NOL11: variants seen among roughly 807,000 people sequenced by gnomAD.
NOL11 encodes nucleolar protein 11.
A neutral mutation model predicts 93.0 loss-of-function variants in NOL11; 42 were observed. The ratio of observed to expected loss-of-function variants is 0.45; its 90% CI spans 0.35 to 0.58. The LOEUF (loss-of-function observed/expected upper bound fraction) is 0.58. Among genes scored for constraint, NOL11 ranks in the 20% least tolerant of loss-of-function variants. NOL11 has a pLI of 0.00. For missense variants in NOL11, 775 were observed against 841.8 expected (o/e 0.92, Z 0.98); for synonymous variants, 296 against 293.7 (o/e 1.01, Z -0.08).
In NOL11 at chr17:67,717,953, A is replaced by G; in HGVS notation, c.6A>G (p.Ala2=). The G allele has an allele frequency of 6.2e-7, 1 of 1,614,118 alleles. No homozygotes were observed. The highest frequency in any genetic ancestry group is 8.5e-7 in the Non-Finnish European group (1 of 1,179,974). The part of the protein sequence containing the change: M[A]ALEEEFTLSS... ...CGTACTTAGGTTTGCTCAAAATGGC[A>G]GCGCTGGAGGAAGAATTCACGTTGT... The change falls in exon 1 of 18, where the codon GCA becomes GCG. Residue 2 remains alanine, a synonymous_variant. Coordinates refer to ENST00000253247, the MANE Select transcript of NOL11 (RefSeq NM_015462.5).
chr17:67,719,571 A>T, intron 1 of NOL11, 103 bp from the exon 2 acceptor site: 1 of 646,452 alleles, frequency 1.5e-6, no homozygotes. Flanking sequence ...TAAATTTTTT[A>T]AATGCTGTCA....
rs760206968 is a variant in NOL11, at chr17:67,722,598, A to G, written c.480A>G (p.Val160=). ...TTTGTAGATGGACAAAGTTTTTCGT[A>G]GTATTCAGACATCCTGTTTTAATTT... ...EEVIKWTKFF[V]VFRHPVLIFI... Residue 160 remains valine (V), a synonymous_variant, in exon 5 of 18, where the codon GTA becomes GTG. Coordinates refer to ENST00000253247, the MANE Select transcript of NOL11 (RefSeq NM_015462.5). 6.4e-7 allele frequency: 1 copy of G among 1,574,630 alleles called. No individual in the cohort carries two copies. Among genetic ancestry groups the G allele is most frequent in the East Asian group, 2.3e-5 (1 of 42,746 alleles).
Position 67,722,563 on chromosome 17 carries a change from T to C in NOL11, c.462-17T>C. The C allele has an allele frequency of 6.4e-7, 1 of 1,564,614 alleles. No homozygotes were observed. The highest frequency in any genetic ancestry group is 8.6e-7 in the Non-Finnish European group (1 of 1,165,386). ...GATTTTTGCATCCTATAATTTTTCT[T>C]TTTTCTTTTTTTGTAGATGGACAAA... On this transcript the variant is annotated splice_polypyrimidine_tract_variant and intron_variant, in intron 4 of 17. Coordinates refer to ENST00000253247, the MANE Select transcript of NOL11 (RefSeq NM_015462.5).
chr17:67,728,076 T>C (rs77884667), intron 7 of NOL11, among the ~76,000 whole-genome samples: 13,229 of 152,018 alleles, frequency 0.087, 1,421 homozygotes, highest in East Asian at 0.29. Context: ...CTGGCTAACA[T>C]GGTGAAACCC....
intron 10 of NOL11, 103 bp downstream of exon 10, chr17:67,736,857 G>T: frequency 2.3e-6 from 2 of 887,514 alleles, no homozygotes; most frequent in South Asian, 1.6e-5. Flanking sequence ...TTAGAGCTTT[G>T]ACTATAATGA....
chr17:67,727,409 C>T (rs1429286022), intron 7 of NOL11, among the ~76,000 whole-genome samples: 3 of 152,190 alleles, frequency 2.0e-5, no homozygotes. Flanking sequence ...TGCCTATAAT[C>T]CCAGCACTTT....
In NOL11 at chr17:67,743,902, A is replaced by T; in HGVS notation, c.*43A>T. 9.9e-7 allele frequency: 1 copy of T among 1,008,532 alleles called. No homozygotes were observed. The highest frequency in any genetic ancestry group is 1.5e-6 in the Non-Finnish European group (1 of 672,848). The allele number at this position is 1,008,532 out of a possible 1,614,324, so 62.5% of individuals were successfully genotyped here. A position where few individuals can be genotyped will look rare whatever the true frequency, so the allele number is the denominator to read the frequency against. On this transcript the variant is annotated 3_prime_UTR_variant, in exon 18 of 18. Transcript: ENST00000253247. Reference sequence around the variant, plus strand: ...CATAGACATTTTATAAAGCTCTTTTATGTGAACTCTTGCTTCATCCAGGCA... The same window carrying T: ...CATAGACATTTTATAAAGCTCTTTTTTGTGAACTCTTGCTTCATCCAGGCA...
chr17:67,719,831 G>T, intron 2 of NOL11, 44 bp downstream of exon 2: 1 of 1,467,438 alleles, frequency 6.8e-7, no homozygotes, highest in South Asian at 1.2e-5. Flanking sequence ...TATAAATGTT[G>T]ATTATTAACT....
rs1424119473 is a variant in NOL11 at position 67,736,754 on chromosome 17, T to G, written c.1143T>G (p.Ile381Met). 6.2e-7 allele frequency: 1 copy of G among 1,604,806 alleles called. No individual in the cohort carries two copies. The highest frequency in any genetic ancestry group is 2.2e-5 in the East Asian group (1 of 44,846). ...GFQNSEQSRR[I>M]LRRRKIEVSL... ...AGAACTCAGAGCAGTCAAGAAGAAT[T>G]GTAAGTTTCGTAGTTGAAATTGAAA... Residue 381 changes from isoleucine to methionine, a missense_variant and splice_region_variant, in exon 10 of 18, where the codon ATT becomes ATG. Ile to Met is a conservative substitution (Grantham distance 10). Coordinates refer to ENST00000253247, the MANE Select transcript of NOL11 (RefSeq NM_015462.5).
In NOL11 at chr17:67,737,174, ATCAAAC is replaced by A. The variant is rs775742313; in HGVS notation, c.1218+34_1218+39del. On this transcript the variant is annotated intron_variant, in intron 11 of 17. Coordinates refer to ENST00000253247, the MANE Select transcript of NOL11 (RefSeq NM_015462.5). ...AATAAATAATATTGAAATATGAAAAATCAAACTCAAGTGTTCCAAAGAAATCGCATC... is the reference window on the plus strand; with the variant it reads ...AATAAATAATATTGAAATATGAAAAATCAAGTGTTCCAAAGAAATCGCATC... 136 of 1,375,556 alleles carry A rather than the reference ATCAAAC, an allele frequency of 9.9e-5. 4 individuals carry two copies. In the South Asian group the frequency reaches 1.6e-3, roughly 16 times the overall value. 85.2% of individuals were successfully genotyped at this position (1,375,556 alleles called of 1,614,324 possible). A position where few individuals can be genotyped will look rare whatever the true frequency, so the allele number is the denominator to read the frequency against.
At position 67,722,572 on chromosome 17, in the gene NOL11, T is replaced by G. The variant is rs1267159148; in HGVS notation, c.462-8T>G. On this transcript the variant is annotated splice_region_variant and splice_polypyrimidine_tract_variant and intron_variant, in intron 4 of 17. Coordinates refer to ENST00000253247, the MANE Select transcript of NOL11 (RefSeq NM_015462.5). Reference sequence around the variant, plus strand: ...ATCCTATAATTTTTCTTTTTTCTTTTTTTGTAGATGGACAAAGTTTTTCGT... The same window carrying G: ...ATCCTATAATTTTTCTTTTTTCTTTGTTTGTAGATGGACAAAGTTTTTCGT... The G allele has an allele frequency of 6.4e-7, 1 of 1,568,036 alleles. No individual in the cohort carries two copies. The highest frequency in any genetic ancestry group is 1.2e-5 in the South Asian group (1 of 80,930).
rs970098383 is a variant in NOL11 at position 67,724,257 on chromosome 17, GT to G, written c.664+69del. 9.6e-6 allele frequency: 9 copies of G among 934,414 alleles called. No homozygotes were observed. In the African/African-American group the frequency reaches 1.2e-4, roughly 12 times the overall value. The allele number at this position is 934,414 out of a possible 1,614,324, so 57.9% of individuals were successfully genotyped here. ...AGAGGATTGTTATAGGATAGTGTATGTTTTTGAATCGTAGACTTTGTGAAGC... is the reference window on the plus strand; with the variant it reads ...AGAGGATTGTTATAGGATAGTGTATGTTTTGAATCGTAGACTTTGTGAAGC... On this transcript the variant is annotated intron_variant, in intron 6 of 17. Coordinates refer to ENST00000253247, the MANE Select transcript of NOL11 (RefSeq NM_015462.5).
rs779422502 is a variant in NOL11 at position 67,734,409 on chromosome 17, A to T, written c.900A>T (p.Ser300=). 1.9e-6 allele frequency: 3 copies of T among 1,608,102 alleles called. No homozygotes were observed. The highest frequency in any genetic ancestry group is 2.6e-6 in the Non-Finnish European group (3 of 1,174,908). ...WNIKFQTLQT[S]KELPQGTSGQ... ...TAAAATTTCAAACACTACAGACTTC[A>T]AAAGAGTTACCACAAGGGACCAGTG... The change falls in exon 8 of 18, where the codon TCA becomes TCT. Residue 300 remains serine (S), a synonymous_variant. Transcript: ENST00000253247.
chr17:67,722,420 G>A (rs540355014), intron 4 of NOL11, among the ~76,000 whole-genome samples, 160 bp from the exon 5 acceptor site: 1 of 152,108 alleles, frequency 6.6e-6, no homozygotes, highest in Non-Finnish European at 1.5e-5. Context: ...AATGCGTATT[G>A]CTTGTGGTAT....
intron 4 of NOL11, 98 bp downstream of exon 4, chr17:67,721,624 A>T (rs1361381022): frequency 1.0e-6 from 1 of 974,330 alleles, no homozygotes; most frequent in African/African-American, 1.6e-5. Context: ...ACATAATGAA[A>T]GTAACCTAAT....
chr17:67,729,753 G>A (rs1333031569), intron 7 of NOL11, among the ~76,000 whole-genome samples: 1 of 148,632 alleles, frequency 6.7e-6, no homozygotes. Flanking sequence ...TGATTTTTTT[G>A]TATTTTTAGT....
chr17:67,727,218 G>A (rs990326489), intron 7 of NOL11, among the ~76,000 whole-genome samples: 2 of 152,188 alleles, frequency 1.3e-5, no homozygotes, highest in Non-Finnish European at 2.9e-5. Flanking sequence ...TTTAGCATAA[G>A]TCCCTTCACA....
chr17:67,744,261 C>G lies in NOL11; in HGVS notation c.*402C>G, dbSNP rs1482792147. The G allele has an allele frequency of 6.6e-6, 1 of 152,622 alleles. No homozygotes were observed. Among genetic ancestry groups the G allele is most frequent in the African/African-American group, 2.4e-5 (1 of 41,474 alleles). The allele number at this position is 152,622 out of a possible 1,614,324, so 9.5% of individuals were successfully genotyped here. On this transcript the variant is annotated 3_prime_UTR_variant, in exon 18 of 18. Transcript: ENST00000253247. ...AAGCTGCCCCTGCTCATTTGTTCCA[C>G]AGCTCACCTTTATTTCACACATTTG...
intron 14 of NOL11, chr17:67,738,616 G>A: frequency 2.1e-6 from 1 of 470,368 alleles, no homozygotes; most frequent in Non-Finnish European, 3.7e-6. Flanking sequence ...AGGATTGTCT[G>A]AGCCCAGGAG....
Sources: allele counts gnomAD v4.1 joint callset (sites outside exome capture counted in the v4.1 genomes callset), GRCh38; gene constraint gnomAD v4.1.1; transcripts MANE v1.5; gene names NCBI Gene and HGNC (gene_info 2026-07-23, HGNC 2026-07-21).